Variants in AFDN observed in about 807,000 individuals in gnomAD.
AFDN encodes afadin.
In AFDN, 68 loss-of-function variants were observed where a neutral mutation model predicts 216.6. The observed-to-expected ratio is 0.31, with a 90% CI of 0.26 to 0.38. The LOEUF (loss-of-function observed/expected upper bound fraction) is 0.38, where lower values mean the gene tolerates loss of function less well. Among genes scored for constraint, AFDN ranks in the 10% least tolerant of loss-of-function variants. The probability of loss-of-function intolerance (pLI) is 1.00; values close to 1 mark genes in which losing one functional copy is unlikely to be tolerated. For synonymous variants in AFDN, 868 were observed against 853.7 expected, an observed-to-expected ratio of 1.02 and a Z score of -0.29; for missense variants, 2,136 against 2,342.0, an observed-to-expected ratio of 0.91 and a Z score of 1.82.
chr6:167,899,256 A>AT, intron 11 of AFDN, among the ~76,000 whole-genome samples: 1 of 152,172 alleles, frequency 6.6e-6, no homozygotes, highest in African/African-American at 2.4e-5. Context: ...GGGTTATCAC[A>AT]TATATTTATT....
At chr6:167,876,185 G>T (rs1358366707) in intron 5 of AFDN, among the ~76,000 whole-genome samples, 1 of 152,112 alleles carries the variant, frequency 6.6e-6, no homozygotes, top group African/African-American at 2.4e-5. Flanking sequence ...GCCACCGTCT[G>T]GGGGGAACGT....
Position 167,896,912 on chromosome 6 carries a change from CCG to C in AFDN, c.1259_1260del (p.Arg420ProfsTer7). 6.2e-7 allele frequency: 1 copy of C among 1,613,662 alleles called. No homozygotes were observed. The highest frequency in any genetic ancestry group is 8.5e-7 in the Non-Finnish European group (1 of 1,179,674). ...SDSRDKPKLY[R>X]LQLSVTEVGT... ...ACTCTAGAGATAAGCCAAAGCTTTA[CCG>C]CCTTCAGTTAAGTGTTACTGAAGTT... is the stretch of plus-strand genomic sequence containing the variant. On this transcript the variant is annotated frameshift_variant, in exon 10 of 34. Transcript: ENST00000683244. LOFTEE classifies it high-confidence loss of function.
At chr6:167,952,309 A>G (rs1441357244) in intron 30 of AFDN, 122 bp downstream of exon 30, 8 of 1,550,992 alleles carry the variant, frequency 5.2e-6, no homozygotes, top group Non-Finnish European at 6.9e-6. Context: ...CTAGGCTTAT[A>G]CTGTTTTATT....
intron 2 of AFDN, 114 bp from the exon 3 acceptor site, chr6:167,870,272 T>C (rs1392733988): frequency 1.6e-6 from 1 of 622,312 alleles, no homozygotes; most frequent in African/African-American, 1.9e-5. Context: ...TACATTTCAG[T>C]CTGCAAGTAG....
At chr6:167,949,361 C>A (rs1323702342) in intron 29 of AFDN, among the ~76,000 whole-genome samples, 1 of 152,146 alleles carries the variant, frequency 6.6e-6, no homozygotes, top group Non-Finnish European at 1.5e-5. Flanking sequence ...TGAGCTGAGC[C>A]TTGAAGAATG....
chr6:167,924,582 A>T (rs1792261680), intron 22 of AFDN, among the ~76,000 whole-genome samples: 1 of 152,196 alleles, frequency 6.6e-6, no homozygotes, highest in Non-Finnish European at 1.5e-5. Context: ...CATTTTTTGC[A>T]GTCCTCCCCG....
intron 12 of AFDN, among the ~76,000 whole-genome samples, chr6:167,905,493 T>C (rs1410996008): frequency 6.6e-6 from 1 of 152,220 alleles, no homozygotes; most frequent in Non-Finnish European, 1.5e-5. Context: ...AATTTATAGT[T>C]GACCTTTGAT....
chr6:167,915,781 A>G (rs1029489824), intron 19 of AFDN, among the ~76,000 whole-genome samples: 4 of 152,222 alleles, frequency 2.6e-5, no homozygotes, highest in Admixed American at 2.0e-4. Context: ...TGATAATTTA[A>G]TGTACACAAA....
intron 23 of AFDN, among the ~76,000 whole-genome samples, chr6:167,934,106 C>G (rs1313464138): frequency 6.6e-6 from 1 of 152,220 alleles, no homozygotes; most frequent in African/African-American, 2.4e-5. Context: ...GAAATTCACA[C>G]ACCTGCAAAT....
At chr6:167,865,096 A>G (rs1219051774) in intron 2 of AFDN, among the ~76,000 whole-genome samples, 1 of 24,554 alleles carries the variant, frequency 4.1e-5, no homozygotes, top group Admixed American at 2.5e-4. Flanking sequence ...GCTCTTATGT[A>G]GAGATTATAA....
At position 167,896,849 on chromosome 6, in the gene AFDN, A is replaced by G. The variant is rs779911845; in HGVS notation, c.1223-29A>G. ...ATGACAGTAATATTAGACTTTGCAAATAGAGCTGTCTTCCTTCTCTTCTCA... is the reference window on the plus strand; with the variant it reads ...ATGACAGTAATATTAGACTTTGCAAGTAGAGCTGTCTTCCTTCTCTTCTCA... On this transcript the variant is annotated intron_variant, in intron 9 of 33. Coordinates refer to ENST00000683244, the MANE Select transcript of AFDN (RefSeq NM_001386888.1). The G allele has an allele frequency of 3.6e-6, 5 of 1,406,680 alleles. No homozygotes were observed. The South Asian group carries it at 4.7e-5, about 13-fold the overall frequency. The allele number at this position is 1,406,680 out of a possible 1,614,324, so 87.1% of individuals were successfully genotyped here.
At chr6:167,838,444 A>T (rs1780694203) in intron 1 of AFDN, among the ~76,000 whole-genome samples, 1 of 152,100 alleles carries the variant, frequency 6.6e-6, no homozygotes, top group South Asian at 2.1e-4. Context: ...ACAATAAACA[A>T]AATGTGTTTA....
chr6:167,863,695 A>G, intron 1 of AFDN: 1 of 472,608 alleles, frequency 2.1e-6, no homozygotes, highest in Non-Finnish European at 4.2e-6. Context: ...CAAGGAAATA[A>G]TGGGAAAGGA....
chr6:167,873,564 C>G (rs982760115), intron 4 of AFDN, among the ~76,000 whole-genome samples: 1 of 152,126 alleles, frequency 6.6e-6, no homozygotes, highest in African/African-American at 2.4e-5. Context: ...AGGGTGCATT[C>G]TAGAAGAATG....
intron 30 of AFDN, chr6:167,952,449 A>T (rs1001732235): frequency 1.0e-6 from 1 of 985,268 alleles, no homozygotes; most frequent in Non-Finnish European, 1.2e-6. Context: ...TAGCAAACTC[A>T]TAATTATCCT....
At chr6:167,957,230 A>G (rs1303160680) in intron 30 of AFDN, among the ~76,000 whole-genome samples, 1 of 151,952 alleles carries the variant, frequency 6.6e-6, no homozygotes, top group African/African-American at 2.4e-5. Flanking sequence ...GCTTTGTATC[A>G]GGGGCCCACT....
At chr6:167,902,184 G>A (rs1261505183) in intron 11 of AFDN, 133 bp from the exon 12 acceptor site, 7 of 598,194 alleles carry the variant, frequency 1.2e-5, no homozygotes, top group Non-Finnish European at 2.0e-5. Context: ...GTAAGTTCGT[G>A]TGCTGAAAAC....
intron 23 of AFDN, among the ~76,000 whole-genome samples, chr6:167,935,811 G>A (rs1793927267): frequency 6.6e-6 from 1 of 151,444 alleles, no homozygotes; most frequent in Non-Finnish European, 1.5e-5. Context: ...AAATCAGGAT[G>A]TGTAATGTTA....
intron 17 of AFDN, 101 bp from the exon 18 acceptor site, chr6:167,914,543 A>G: frequency 4.1e-6 from 4 of 968,468 alleles, no homozygotes; most frequent in Non-Finnish European, 6.1e-6. Flanking sequence ...TTTTTAATGG[A>G]AAATATTTTT....
Sources: gnomAD v4.1 joint callset for allele counts (sites outside exome capture counted in the v4.1 genomes callset) on GRCh38, gnomAD v4.1.1 for gene constraint, MANE v1.5 for transcripts, NCBI Gene and HGNC (gene_info 2026-07-23, HGNC 2026-07-21) for gene names.